The following STK39 variants were observed in gnomAD, a reference collection of about 807,000 sequenced individuals.
STK39 encodes the protein serine/threonine kinase 39.
A neutral mutation model predicts 77.8 loss-of-function variants in STK39; 20 were observed. The ratio of observed to expected loss-of-function variants is 0.26; its 90% CI spans 0.18 to 0.37. STK39 has a LOEUF of 0.37. Ranked by LOEUF, STK39 falls within the 10% of genes least tolerant of loss-of-function variation. The pLI is 1.00. For missense variants in STK39, 479 were observed against 656.5 expected, an observed-to-expected ratio of 0.73 and a Z score of 2.95; for synonymous variants, 246 against 234.1, an observed-to-expected ratio of 1.05 and a Z score of -0.47.
chr2:167,956,170 A>C (rs1290724446), intron 17 of STK39, among the ~76,000 whole-genome samples: 1 of 152,248 alleles, frequency 6.6e-6, no homozygotes, highest in Non-Finnish European at 1.5e-5. Context: ...TTTTGTTTAT[A>C]TTTTCAGACA....
At chr2:168,098,439 T>C (rs1393467702) in intron 10 of STK39, among the ~76,000 whole-genome samples, 1 of 152,210 alleles carries the variant, frequency 6.6e-6, no homozygotes, top group Non-Finnish European at 1.5e-5. Flanking sequence ...GCGGCCCCAC[T>C]GCCTCCCAGA....
intron 1 of STK39, among the ~76,000 whole-genome samples, chr2:168,224,635 T>C (rs959574697): frequency 1.2e-4 from 18 of 152,180 alleles, no homozygotes; most frequent in African/African-American, 2.2e-4. Context: ...ACAAAAAGGA[T>C]TTAAGAGATT....
intron 5 of STK39, among the ~76,000 whole-genome samples, chr2:168,149,758 A>G (rs906670603): frequency 1.7e-4 from 26 of 152,242 alleles, no homozygotes; most frequent in African/African-American, 6.3e-4. Flanking sequence ...AGTATCAAGC[A>G]TGGCTTTTCA....
At chr2:168,082,478 TC>T (rs1686260720) in intron 10 of STK39, among the ~76,000 whole-genome samples, 1 of 152,238 alleles carries the variant, frequency 6.6e-6, no homozygotes, top group Non-Finnish European at 1.5e-5. Flanking sequence ...ATAGTGTAAT[TC>T]AATGCTCTTC....
chr2:168,177,560 G>A (rs938168994), intron 2 of STK39, among the ~76,000 whole-genome samples: 1 of 152,120 alleles, frequency 6.6e-6, no homozygotes, highest in Non-Finnish European at 1.5e-5. Context: ...GTGGGGTTAG[G>A]GTAAATAGAA....
chr2:168,110,134 T>C (rs773883703), intron 10 of STK39, among the ~76,000 whole-genome samples: 17 of 152,264 alleles, frequency 1.1e-4, no homozygotes, highest in Non-Finnish European at 1.8e-4. Flanking sequence ...GTTTTCTTTA[T>C]CTAAACGATT....
At chr2:168,032,250 G>A (rs1246113243) in intron 14 of STK39, among the ~76,000 whole-genome samples, 2 of 152,134 alleles carry the variant, frequency 1.3e-5, no homozygotes, top group African/African-American at 4.8e-5. Context: ...AACACATGCC[G>A]TGTGATTATC....
intron 10 of STK39, among the ~76,000 whole-genome samples, chr2:168,120,010 A>T (rs1056132475): frequency 6.6e-6 from 1 of 152,202 alleles, no homozygotes; most frequent in African/African-American, 2.4e-5. Flanking sequence ...CTGTACACAG[A>T]AGCATGGAAA....
chr2:168,225,233 A>G (rs1029766341), intron 1 of STK39, among the ~76,000 whole-genome samples: 1 of 152,028 alleles, frequency 6.6e-6, no homozygotes, highest in Non-Finnish European at 1.5e-5. Context: ...CACCAAATAC[A>G]TCATAAAATT....
intron 8 of STK39, among the ~76,000 whole-genome samples, chr2:168,135,184 TG>T: frequency 6.6e-6 from 1 of 151,622 alleles, no homozygotes. Flanking sequence ...GTGTAATAAG[TG>T]CTACAAAAGA....
chr2:168,232,974 A>G (rs1690498811), intron 1 of STK39, among the ~76,000 whole-genome samples: 1 of 152,096 alleles, frequency 6.6e-6, no homozygotes, highest in African/African-American at 2.4e-5. Flanking sequence ...ATTTATGAAG[A>G]CAATCACAAA....
intron 16 of STK39, among the ~76,000 whole-genome samples, chr2:167,967,693 C>G (rs1411270412): frequency 6.6e-6 from 1 of 152,186 alleles, no homozygotes; most frequent in Non-Finnish European, 1.5e-5. Flanking sequence ...GGAGGCAAGG[C>G]AGCGGAGCCG....
intron 1 of STK39, among the ~76,000 whole-genome samples, chr2:168,196,886 G>C (rs1251402033): frequency 1.3e-5 from 2 of 152,120 alleles, no homozygotes. Context: ...AGACAGAGGC[G>C]GTGTGGCTGG....
At chr2:168,209,621 A>T (rs1342261366) in intron 1 of STK39, among the ~76,000 whole-genome samples, 2 of 152,150 alleles carry the variant, frequency 1.3e-5, no homozygotes, top group African/African-American at 4.8e-5. Flanking sequence ...CAGAGGTTGG[A>T]GTGAGCCGAG....
At chr2:168,193,249 A>G (rs1036133825) in intron 1 of STK39, among the ~76,000 whole-genome samples, 2 of 152,176 alleles carry the variant, frequency 1.3e-5, no homozygotes, top group Non-Finnish European at 2.9e-5. Context: ...CCTAAGTTAC[A>G]ACCGCAATAC....
intron 17 of STK39, among the ~76,000 whole-genome samples, chr2:167,962,183 A>G (rs184023933): frequency 6.6e-6 from 1 of 152,296 alleles, no homozygotes; most frequent in East Asian, 1.9e-4. Context: ...TAATGATAAA[A>G]AGCTGAGAGA....
At chr2:168,084,489 G>A (rs1574452282) in intron 10 of STK39, among the ~76,000 whole-genome samples, 1 of 152,196 alleles carries the variant, frequency 6.6e-6, no homozygotes, top group East Asian at 1.9e-4. Flanking sequence ...TAAGAAGGTT[G>A]TCAGTGAGGG....
chr2:168,101,463 C>T (rs946944156), intron 10 of STK39, among the ~76,000 whole-genome samples: 7 of 152,140 alleles, frequency 4.6e-5, no homozygotes, highest in East Asian at 1.9e-4. Context: ...ATTGGCCAGG[C>T]GCTGTGGCTC....
chr2:168,187,887 A>G (rs1689247135), intron 1 of STK39, among the ~76,000 whole-genome samples: 1 of 152,210 alleles, frequency 6.6e-6, no homozygotes, highest in Non-Finnish European at 1.5e-5. Flanking sequence ...ATTTTTTTCA[A>G]GGCATCACAT....
Sources: gnomAD v4.1 joint callset for allele counts (sites outside exome capture counted in the v4.1 genomes callset) on GRCh38, gnomAD v4.1.1 for gene constraint, MANE v1.5 for transcripts, NCBI Gene and HGNC (gene_info 2026-07-23, HGNC 2026-07-21) for gene names.